EFCAB13: variants seen among roughly 807,000 people sequenced by gnomAD.
EFCAB13 encodes the protein EF-hand calcium binding domain 13.
In EFCAB13, 91 loss-of-function variants were observed where a neutral mutation model predicts 110.2. That is an observed-to-expected ratio of 0.83 (90% CI 0.70 to 0.98). The LOEUF (loss-of-function observed/expected upper bound fraction) is 0.98, where lower values mean the gene tolerates loss of function less well. Among genes scored for constraint, EFCAB13 ranks in the 50% least tolerant of loss-of-function variants. EFCAB13 has a pLI of 0.00. For synonymous variants in EFCAB13, 323 were observed against 369.9 expected (o/e 0.87, Z 1.45); for missense variants, 968 against 1,119.4 (o/e 0.86, Z 1.93).
At position 47,374,818 on chromosome 17, in the gene EFCAB13, A is replaced by G. The variant is rs1386621335; in HGVS notation, c.1224A>G (p.Gln408=). 6.2e-7 allele frequency: 1 copy of G among 1,614,122 alleles called. No homozygotes were observed. Among genetic ancestry groups the G allele is most frequent in the South Asian group, 1.1e-5 (1 of 91,074 alleles). ...TTCATGACTCAAAGTCTAAACCACA[A>G]AGCTTGAAGAGTAGTACAAGCCTCA... ...GEIHDSKSKP[Q]SLKSSTSLSK... The change falls in exon 12 of 25, where the codon CAA becomes CAG. Residue 408 remains glutamine (Q), a synonymous_variant. Coordinates refer to ENST00000331493, the MANE Select transcript of EFCAB13 (RefSeq NM_152347.5).
intron 14 of EFCAB13, among the ~76,000 whole-genome samples, chr17:47,386,022 G>C (rs1233883619): frequency 6.6e-6 from 1 of 152,204 alleles, no homozygotes; most frequent in Non-Finnish European, 1.5e-5. Flanking sequence ...AGGGGCACCA[G>C]GCTGATGCCA....
At chr17:47,378,679 A>G (rs2069763725) in intron 13 of EFCAB13, among the ~76,000 whole-genome samples, 1 of 152,184 alleles carries the variant, frequency 6.6e-6, no homozygotes, top group African/African-American at 2.4e-5. Context: ...GAGGGTTTAT[A>G]TCTAAAAATA....
chr17:47,329,351 C>T (rs1474825770), intron 4 of EFCAB13, among the ~76,000 whole-genome samples: 1 of 151,996 alleles, frequency 6.6e-6, no homozygotes, highest in Non-Finnish European at 1.5e-5. Flanking sequence ...AAGTGAAATT[C>T]AGCATTGTCA....
chr17:47,404,513 T>G (rs747693940), intron 19 of EFCAB13, 49 bp from the exon 20 acceptor site: 7 of 1,411,280 alleles, frequency 5.0e-6, no homozygotes, highest in Non-Finnish European at 6.9e-6. Context: ...CCTTTAAGTA[T>G]TACTTTGTCT....
At chr17:47,428,316 G>A (rs1423329221) in intron 23 of EFCAB13, among the ~76,000 whole-genome samples, 1 of 149,898 alleles carries the variant, frequency 6.7e-6, no homozygotes, top group African/African-American at 2.4e-5. Context: ...TCCCTGTCAT[G>A]ATTTACTCTT....
intron 10 of EFCAB13, 129 bp downstream of exon 10, chr17:47,361,650 A>G (rs181164421): frequency 1.4e-6 from 1 of 710,810 alleles, no homozygotes; most frequent in East Asian, 3.1e-5. Flanking sequence ...ACCTTTTGCC[A>G]TTGACACTGT....
At chr17:47,367,919 G>C (rs1219460517) in intron 10 of EFCAB13, among the ~76,000 whole-genome samples, 1 of 152,150 alleles carries the variant, frequency 6.6e-6, no homozygotes, top group African/African-American at 2.4e-5. Flanking sequence ...TGTTCTAGCT[G>C]GTGGGCAGGG....
Position 47,404,571 on chromosome 17 carries a change from T to C in EFCAB13, c.2171T>C (p.Met724Thr), listed in dbSNP as rs1244805985. The change falls in exon 20 of 25, where the codon ATG (methionine) becomes ACG (threonine). Residue 724 changes from methionine to threonine, a missense_variant. Met to Thr is a moderately conservative substitution (Grantham distance 81). Transcript: ENST00000331493. ...TCTCTTTTCCTTGCAGAAGATAACA[T>C]GGTGAACATTAAAGACTGTATGAGG... ...LQSDFVSEDN[M>T]VNIKDCMRAL... The C allele has an allele frequency of 1.9e-6, 3 of 1,612,272 alleles. No homozygotes were observed. Among genetic ancestry groups the C allele is most frequent in the Non-Finnish European group, 2.5e-6 (3 of 1,179,026 alleles).
chr17:47,395,376 T>C (rs1252693026), intron 16 of EFCAB13, among the ~76,000 whole-genome samples: 1 of 152,214 alleles, frequency 6.6e-6, no homozygotes, highest in Non-Finnish European at 1.5e-5. Context: ...TGTAGTAAGA[T>C]AATTGCACTC....
rs570251163 is a variant in EFCAB13, at chr17:47,353,851, A to AT, written c.661+5908dup. On this transcript the variant is annotated intron_variant, in intron 9 of 24. Coordinates refer to ENST00000331493, the MANE Select transcript of EFCAB13 (RefSeq NM_152347.5). ...TTTATCTACTTGGTTTTTGACTTAC[A>AT]TTTTTTTTCTTGTTTCAGTTTCATG... is the stretch of plus-strand genomic sequence containing the variant. Among the ~76,000 whole-genome samples, 14 of 150,950 alleles carry AT rather than the reference A, an allele frequency of 9.3e-5. No homozygotes were observed. In the East Asian group the frequency reaches 1.4e-3, roughly 15 times the overall value.
chr17:47,435,077 G>T (rs527837325), intron 24 of EFCAB13, among the ~76,000 whole-genome samples: 24 of 151,856 alleles, frequency 1.6e-4, no homozygotes, highest in Admixed American at 1.3e-3. Context: ...CAAAGCAAAA[G>T]AAATAATCAG....
intron 14 of EFCAB13, among the ~76,000 whole-genome samples, chr17:47,389,433 G>A (rs2065693964): frequency 6.6e-6 from 1 of 152,106 alleles, no homozygotes; most frequent in African/African-American, 2.4e-5. Flanking sequence ...CAAAGGTACA[G>A]CTCTTTATAT....
At chr17:47,401,501 A>G (rs925919119) in intron 17 of EFCAB13, among the ~76,000 whole-genome samples, 3 of 152,154 alleles carry the variant, frequency 2.0e-5, no homozygotes, top group Admixed American at 1.3e-4. Context: ...TAGAATTTTT[A>G]TCTTCAAACA....
intron 24 of EFCAB13, among the ~76,000 whole-genome samples, chr17:47,438,567 T>C (rs1905254508): frequency 6.6e-6 from 1 of 151,568 alleles, no homozygotes; most frequent in African/African-American, 2.4e-5. Flanking sequence ...CTGAATTTCC[T>C]TCTTCTACTT....
chr17:47,363,687 C>T (rs2065529662), intron 10 of EFCAB13, among the ~76,000 whole-genome samples: 1 of 152,150 alleles, frequency 6.6e-6, no homozygotes, highest in South Asian at 2.1e-4. Context: ...GTGAGAAAAA[C>T]ATCTTAAGCC....
At chr17:47,403,794 A>G in intron 18 of EFCAB13, 84 bp from the exon 19 acceptor site, 2 of 1,292,384 alleles carry the variant, frequency 1.5e-6, no homozygotes, top group Non-Finnish European at 2.1e-6. Flanking sequence ...TTCAGGATAC[A>G]ATAATAAACT....
chr17:47,376,158 A>G (rs2065614226), intron 12 of EFCAB13, among the ~76,000 whole-genome samples: 1 of 152,172 alleles, frequency 6.6e-6, no homozygotes, highest in South Asian at 2.1e-4. Context: ...TTTAGTGAAA[A>G]TTTTGTGATT....
chr17:47,364,049 G>A (rs1319586440), intron 10 of EFCAB13, among the ~76,000 whole-genome samples: 3 of 152,178 alleles, frequency 2.0e-5, no homozygotes, highest in African/African-American at 7.2e-5. Flanking sequence ...TCTGGCCTGG[G>A]TCTCCAGGTC....
chr17:47,383,821 G>C (rs1200835952), intron 14 of EFCAB13, among the ~76,000 whole-genome samples: 2 of 152,122 alleles, frequency 1.3e-5, no homozygotes, highest in African/African-American at 2.4e-5. Context: ...TTGTTGGTTG[G>C]GGGTGGAGAG....
Sources: gnomAD v4.1 joint callset for allele counts (sites outside exome capture counted in the v4.1 genomes callset) on GRCh38, gnomAD v4.1.1 for gene constraint, MANE v1.5 for transcripts, NCBI Gene and HGNC (gene_info 2026-07-23, HGNC 2026-07-21) for gene names.